SLC25A48: variants seen among roughly 807,000 people sequenced by gnomAD.
SLC25A48 encodes solute carrier family 25 member 48.
A neutral mutation model predicts 32.2 loss-of-function variants in SLC25A48; 29 were observed. That is an observed-to-expected ratio of 0.90 (90% CI 0.67 to 1.23). SLC25A48 has a LOEUF of 1.23. SLC25A48 is among the 50% of genes most tolerant of loss of function. SLC25A48 has a pLI of 0.00. For synonymous variants in SLC25A48, 164 were observed against 172.3 expected (o/e 0.95, Z 0.38); for missense variants, 399 against 422.7 (o/e 0.94, Z 0.49).
chr5:135,798,845 A>G (rs10900839), intron 3 of SLC25A48, among the ~76,000 whole-genome samples: 98,169 of 151,380 alleles, frequency 0.65, 34,083 homozygotes, highest in Non-Finnish European at 0.77. Context: ...GATATTGTAG[A>G]AGTTGTACAC....
At chr5:135,728,822 C>A (rs1400685915) in intron 3 of SLC25A48, among the ~76,000 whole-genome samples, 1 of 142,096 alleles carries the variant, frequency 7.0e-6, no homozygotes, top group Non-Finnish European at 1.5e-5. Flanking sequence ...TTGGAATTTC[C>A]CCTGAACACA....
intron 1 of SLC25A48, among the ~76,000 whole-genome samples, chr5:135,624,757 C>T (rs76544206): frequency 5.9e-5 from 9 of 152,208 alleles, no homozygotes; most frequent in Non-Finnish European, 2.9e-5. Flanking sequence ...ATAGAAAAGA[C>T]AGTGATTGTT....
intron 3 of SLC25A48, among the ~76,000 whole-genome samples, chr5:135,733,060 G>A (rs1016575206): frequency 2.6e-5 from 4 of 152,176 alleles, no homozygotes; most frequent in African/African-American, 4.8e-5. Flanking sequence ...CAGCATGGTG[G>A]TGCAGAATAT....
intron 3 of SLC25A48, among the ~76,000 whole-genome samples, chr5:135,767,840 C>T (rs72791309): frequency 0.015 from 2,210 of 151,350 alleles, 17 homozygotes; most frequent in Middle Eastern, 0.042. Context: ...CTCCCAATAT[C>T]GCAGAGTTTG....
At chr5:135,765,076 A>G (rs1328403708) in intron 3 of SLC25A48, among the ~76,000 whole-genome samples, 8 of 151,474 alleles carry the variant, frequency 5.3e-5, no homozygotes, top group Non-Finnish European at 5.9e-5. Flanking sequence ...AGGGGGAGAA[A>G]GGGTGATATT....
chr5:135,807,693 T>C (rs897076309), intron 3 of SLC25A48, among the ~76,000 whole-genome samples: 23 of 150,446 alleles, frequency 1.5e-4, no homozygotes, highest in Admixed American at 1.3e-4. Context: ...AATATGGAAA[T>C]TTTATTAATA....
intron 3 of SLC25A48, among the ~76,000 whole-genome samples, chr5:135,689,525 A>G (rs1215838819): frequency 6.6e-6 from 1 of 152,232 alleles, no homozygotes; most frequent in East Asian, 1.9e-4. Flanking sequence ...TGGATGTGCA[A>G]GTTCAAATGC....
chr5:135,852,700 C>T lies in SLC25A48; in HGVS notation c.300C>T (p.Pro100=). 2 of 1,614,162 alleles carry T rather than the reference C, an allele frequency of 1.2e-6. No individual in the cohort carries two copies. Among genetic ancestry groups the T allele is most frequent in the Non-Finnish European group, 1.7e-6 (2 of 1,180,034 alleles). Residue 100 remains proline (P), a synonymous_variant, in exon 4 of 8, where the codon CCC becomes CCT. Coordinates refer to ENST00000681962, the MANE Select transcript of SLC25A48 (RefSeq NM_001349336.2). ...HRCGEPEASP[P]RTLSDLLLAS... Reference sequence around the variant, plus strand: ...GCGGGGAGCCAGAGGCCAGTCCTCCCCGCACGCTGTCAGACCTGCTCCTGG... The same window carrying T: ...GCGGGGAGCCAGAGGCCAGTCCTCCTCGCACGCTGTCAGACCTGCTCCTGG...
chr5:135,837,628 G>A (rs982911713), intron 1 of SLC25A48, among the ~76,000 whole-genome samples: 2 of 152,152 alleles, frequency 1.3e-5, no homozygotes, highest in African/African-American at 4.8e-5. Context: ...GCTTTCCCAT[G>A]CTGTTCTCAT....
intron 4 of SLC25A48, among the ~76,000 whole-genome samples, chr5:135,817,448 T>C (rs921006656): frequency 6.6e-6 from 1 of 152,186 alleles, no homozygotes; most frequent in Non-Finnish European, 1.5e-5. Context: ...GAAAGAAAAG[T>C]CTTTTCAGCC....
chr5:135,671,083 G>A (rs1198158000), intron 3 of SLC25A48, among the ~76,000 whole-genome samples: 1 of 152,206 alleles, frequency 6.6e-6, no homozygotes, highest in African/African-American at 2.4e-5. Flanking sequence ...CATGAAGTGG[G>A]TGCCCAGGAG....
chr5:135,841,477 A>G (rs142084242), intron 1 of SLC25A48, among the ~76,000 whole-genome samples: 1 of 152,320 alleles, frequency 6.6e-6, no homozygotes, highest in East Asian at 1.9e-4. Flanking sequence ...AGCTGAATAT[A>G]AAAACCAAAT....
At chr5:135,855,145 G>T (rs924099843) in intron 4 of SLC25A48, among the ~76,000 whole-genome samples, 1 of 152,196 alleles carries the variant, frequency 6.6e-6, no homozygotes, top group Non-Finnish European at 1.5e-5. Flanking sequence ...CAGATATAAT[G>T]ATTATGACAA....
chr5:135,655,161 G>A (rs569327822), intron 3 of SLC25A48, among the ~76,000 whole-genome samples: 2 of 152,240 alleles, frequency 1.3e-5, no homozygotes, highest in East Asian at 3.9e-4. Context: ...GAAAATTGAG[G>A]GGGAGTGCTG....
intron 3 of SLC25A48, among the ~76,000 whole-genome samples, chr5:135,792,230 T>A (rs1757049552): frequency 6.6e-6 from 1 of 151,906 alleles, no homozygotes; most frequent in South Asian, 2.1e-4. Flanking sequence ...TTGGTGATTT[T>A]AACTTTAATA....
rs2126955049 is a variant in SLC25A48, at chr5:135,687,173, G to C, written c.-521+52217G>C. 3.3e-5 allele frequency among the ~76,000 whole-genome samples: 5 copies of C among 150,586 alleles called. No individual in the cohort carries two copies. In the South Asian group the frequency reaches 1.0e-3, roughly 31 times the overall value. On this transcript the variant is annotated intron_variant, in intron 3 of 10. Transcript: ENST00000646290. ...AGACTGAAAGAATTCTGACATTAAG[G>C]AATCTTATTTACTCTGACATTAAAG...
chr5:135,676,314 G>T (rs960273847), intron 3 of SLC25A48, among the ~76,000 whole-genome samples: 5 of 151,758 alleles, frequency 3.3e-5, no homozygotes, highest in Non-Finnish European at 7.4e-5. Flanking sequence ...TATTTCTGTG[G>T]TTCAGTTGTA....
At position 135,781,443 on chromosome 5, in the gene SLC25A48, G is replaced by T. The variant is rs1410222106; in HGVS notation, c.-520-31080G>T. Among the ~76,000 whole-genome samples, 3 of 116,832 alleles carry T rather than the reference G, an allele frequency of 2.6e-5. 1 individual carries two copies. Among genetic ancestry groups the T allele is most frequent in the Non-Finnish European group, 6.3e-5 (3 of 47,318 alleles). 76.6% of individuals were successfully genotyped at this position (116,832 alleles called of 152,430 possible). On this transcript the variant is annotated intron_variant, in intron 3 of 10. Transcript: ENST00000646290. ...ATCACAAGAGGTGCACAACCCTTTT[G>T]TGATATTGTTTGTAATATCCAGGAA...
chr5:135,616,758 A>G (rs1040673052), intron 1 of SLC25A48, among the ~76,000 whole-genome samples: 7 of 152,166 alleles, frequency 4.6e-5, no homozygotes, highest in Non-Finnish European at 1.0e-4. Context: ...AGAACATGAG[A>G]TTTGGGAGGG....
Sources: allele counts gnomAD v4.1 joint callset (sites outside exome capture counted in the v4.1 genomes callset), GRCh38; gene constraint gnomAD v4.1.1; transcripts MANE v1.5; gene names NCBI Gene and HGNC (gene_info 2026-07-23, HGNC 2026-07-21).